Variants in PCDHB16 observed in about 807,000 individuals in gnomAD.
PCDHB16 encodes protocadherin beta-16.
For synonymous variants in PCDHB16, 444 were observed against 436.5 expected (o/e 1.02, Z -0.21); for missense variants, 1,026 against 989.9 (o/e 1.04, Z -0.49).
Position 141,183,826 on chromosome 5 carries a change from G to A in PCDHB16, c.1267G>A (p.Val423Ile), listed in dbSNP as rs781890693. The A allele has an allele frequency of 1.2e-6, 2 of 1,614,164 alleles. No individual in the cohort carries two copies. The highest frequency in any genetic ancestry group is 1.7e-5 in the Admixed American group (1 of 60,022). The change falls in exon 1 of 1, where the codon GTC becomes ATC. Residue 423 changes from valine (V) to isoleucine (I), a missense_variant. Coordinates refer to ENST00000609684, the MANE Select transcript of PCDHB16 (RefSeq NM_020957.4). ...AGCTGAATATAATATCACCCTCACC[G>A]TCACAGATATGGGGACTCCAAGGCT... ...ARAEYNITLT[V>I]TDMGTPRLKT...
chr5:141,183,591 C>T lies in PCDHB16; in HGVS notation c.1032C>T (p.Pro344=), dbSNP rs887490592. The change falls in exon 1 of 1, where the codon CCC becomes CCT. Residue 344 remains proline, a synonymous_variant. Coordinates refer to ENST00000609684, the MANE Select transcript of PCDHB16 (RefSeq NM_020957.4). ...LLQVVDVNDN[P]PQVTMSALTS... ...AGGTGGTGGACGTGAATGACAATCC[C>T]CCACAGGTGACCATGTCTGCACTCA... The T allele has an allele frequency of 6.2e-7, 1 of 1,613,994 alleles. No individual in the cohort carries two copies. The highest frequency in any genetic ancestry group is 8.5e-7 in the Non-Finnish European group (1 of 1,180,028).
chr5:141,184,369 T>G lies in PCDHB16; in HGVS notation c.1810T>G (p.Tyr604Asp). 6.2e-7 allele frequency: 1 copy of G among 1,604,840 alleles called. No individual in the cohort carries two copies. The highest frequency in any genetic ancestry group is 8.5e-7 in the Non-Finnish European group (1 of 1,179,014). The change falls in exon 1 of 1, where the codon TAC becomes GAC. Residue 604 changes from tyrosine (Y) to aspartate (D), a missense_variant. Transcript: ENST00000609684. ...CTCGGGCCAGAATGCCTGGCTGTCG[T>G]ACCAGCTGCTCAAGGCCACGGAGCC... ...GDSGQNAWLS[Y>D]QLLKATEPGL...
chr5:141,184,750 C>T lies in PCDHB16; in HGVS notation c.2191C>T (p.Pro731Ser), dbSNP rs1753679649. Residue 731 changes from proline (P) to serine (S), a missense_variant, in exon 1 of 1, where the codon CCC (proline) becomes TCC (serine). Pro to Ser is a moderately conservative substitution (Grantham distance 74). Coordinates refer to ENST00000609684, the MANE Select transcript of PCDHB16 (RefSeq NM_020957.4). Reference protein sequence around the residue: ...SVGRCSMPEGPFPGRLVDVSG... With the variant: ...SVGRCSMPEGSFPGRLVDVSG... ...GGGCCGCTGCTCGATGCCTGAGGGC[C>T]CCTTTCCAGGGCGTCTGGTGGACGT... 1 of 1,614,080 alleles carries T rather than the reference C, an allele frequency of 6.2e-7. No homozygotes were observed. Among genetic ancestry groups the T allele is most frequent in the Non-Finnish European group, 8.5e-7 (1 of 1,180,058 alleles).
rs1753728966 is a variant in PCDHB16 at position 141,186,154 on chromosome 5, T to A, written c.*1264T>A. 1.0e-6 allele frequency: 1 copy of A among 995,034 alleles called. No homozygotes were observed. The highest frequency in any genetic ancestry group is 1.2e-6 in the Non-Finnish European group (1 of 825,348). The allele number at this position is 995,034 out of a possible 1,614,324, so 61.6% of individuals were successfully genotyped here. ...CCTATGTTTAATCTGTATTTCTTGC[T>A]TATTATATGTAAAGTTGAGCTTCTT... On this transcript the variant is annotated 3_prime_UTR_variant, in exon 1 of 1. Transcript: ENST00000609684.
In PCDHB16 at chr5:141,182,635, G is replaced by A. The variant is rs1002639545; in HGVS notation, c.76G>A (p.Ala26Thr). Residue 26 changes from alanine to threonine, a missense_variant, in exon 1 of 1, where the codon GCG becomes ACG. Coordinates refer to ENST00000609684, the MANE Select transcript of PCDHB16 (RefSeq NM_020957.4). ...CTTTGTTTTGCTGAGCTTGTCTGGG[G>A]CGGGCGCCGAGTTGGGGTCCTATTC... ...VFFVLLSLSG[A>T]GAELGSYSVV... 2.5e-6 allele frequency: 4 copies of A among 1,577,010 alleles called. No individual in the cohort carries two copies. The highest frequency in any genetic ancestry group is 2.3e-5 in the South Asian group (2 of 86,214).
Position 141,184,854 on chromosome 5 carries a change from G to C in PCDHB16, c.2295G>C (p.Lys765Asn). ...LTGGSETSEFKFLKPIIPNFS... is the reference protein window; with the variant it reads ...LTGGSETSEFNFLKPIIPNFS... Reference sequence around the variant, plus strand: ...GAGGCTCAGAAACAAGTGAGTTCAAGTTCCTGAAGCCGATTATCCCCAACT... The same window carrying C: ...GAGGCTCAGAAACAAGTGAGTTCAACTTCCTGAAGCCGATTATCCCCAACT... The change falls in exon 1 of 1, where the codon AAG becomes AAC. Residue 765 changes from lysine (K) to asparagine (N), a missense_variant. Transcript: ENST00000609684. 6.2e-7 allele frequency: 1 copy of C among 1,614,206 alleles called. No individual in the cohort carries two copies. Among genetic ancestry groups the C allele is most frequent in the Non-Finnish European group, 8.5e-7 (1 of 1,180,036 alleles).
Position 141,185,071 on chromosome 5 carries a change from T to G in PCDHB16, c.*181T>G. The G allele has an allele frequency of 1.1e-5, 16 of 1,425,200 alleles. No homozygotes were observed. Among genetic ancestry groups the G allele is most frequent in the Non-Finnish European group, 1.5e-5 (16 of 1,088,392 alleles). The allele number at this position is 1,425,200 out of a possible 1,614,324, so 88.3% of individuals were successfully genotyped here. ...TGATTGTTAGTTCAAATTATATTGT[T>G]AATTCCAGTTTCCCTTTTCCTCATA... On this transcript the variant is annotated 3_prime_UTR_variant, in exon 1 of 1. Coordinates refer to ENST00000609684, the MANE Select transcript of PCDHB16 (RefSeq NM_020957.4).
At position 141,186,212 on chromosome 5, in the gene PCDHB16, G is replaced by A. The variant is rs567766438; in HGVS notation, c.*1322G>A. 568 of 990,420 alleles carry A rather than the reference G, an allele frequency of 5.7e-4. No individual in the cohort carries two copies. Among genetic ancestry groups the A allele is most frequent in the South Asian group, 1.7e-3 (35 of 21,014 alleles). The allele number at this position is 990,420 out of a possible 1,614,324, so 61.4% of individuals were successfully genotyped here. A position where few individuals can be genotyped will look rare whatever the true frequency, so the allele number is the denominator to read the frequency against. On this transcript the variant is annotated 3_prime_UTR_variant, in exon 1 of 1. Coordinates refer to ENST00000609684, the MANE Select transcript of PCDHB16 (RefSeq NM_020957.4). Reference sequence around the variant, plus strand: ...ATTAGGCCTTTGAATAAAATTCTATGTGAGTCAGATTTAATAATTTGTTTT... The same window carrying A: ...ATTAGGCCTTTGAATAAAATTCTATATGAGTCAGATTTAATAATTTGTTTT...
In PCDHB16 at chr5:141,182,683, G is replaced by A. The variant is rs1753594236; in HGVS notation, c.124G>A (p.Gly42Ser). ...TTCCGTAGTGGAAGAAACGGAGAGAGGCTCTTTTGTGGCAAATCTAGGAAA... is the reference window on the plus strand; with the variant it reads ...TTCCGTAGTGGAAGAAACGGAGAGAAGCTCTTTTGTGGCAAATCTAGGAAA... ...SYSVVEETER[G>S]SFVANLGKDL... is the part of the protein sequence containing the mutation. Residue 42 changes from glycine (G) to serine (S), a missense_variant, in exon 1 of 1, where the codon GGC (glycine) becomes AGC (serine). Coordinates refer to ENST00000609684, the MANE Select transcript of PCDHB16 (RefSeq NM_020957.4). 3.1e-6 allele frequency: 5 copies of A among 1,610,314 alleles called. No homozygotes were observed. The highest frequency in any genetic ancestry group is 3.4e-6 in the Non-Finnish European group (4 of 1,177,822).
At position 141,184,566 on chromosome 5, in the gene PCDHB16, C is replaced by G; in HGVS notation, c.2007C>G (p.Pro669=). The G allele has an allele frequency of 6.2e-7, 1 of 1,611,894 alleles. No individual in the cohort carries two copies. The highest frequency in any genetic ancestry group is 8.5e-7 in the Non-Finnish European group (1 of 1,179,778). ...HVLLVDGFSQ[P]FLPLPEAAPG... ...TCCTGGTGGACGGCTTCTCCCAGCC[C>G]TTCCTGCCGCTCCCAGAGGCGGCCC... Residue 669 remains proline, a synonymous_variant, in exon 1 of 1, where the codon CCC becomes CCG. Coordinates refer to ENST00000609684, the MANE Select transcript of PCDHB16 (RefSeq NM_020957.4).
rs528641008 is a variant in PCDHB16 at position 141,184,620 on chromosome 5, T to A, written c.2061T>A (p.Thr687=). ...APGQTQANSL[T]VYLVVALASV... ...GCCAGACCCAGGCCAACTCGCTCACTGTCTACCTGGTGGTGGCGTTGGCCT... is the reference window on the plus strand; with the variant it reads ...GCCAGACCCAGGCCAACTCGCTCACAGTCTACCTGGTGGTGGCGTTGGCCT... The change falls in exon 1 of 1, where the codon ACT becomes ACA. Residue 687 remains threonine (T), a synonymous_variant. Coordinates refer to ENST00000609684, the MANE Select transcript of PCDHB16 (RefSeq NM_020957.4). 1.2e-6 allele frequency: 2 copies of A among 1,612,772 alleles called. No individual in the cohort carries two copies. Among genetic ancestry groups the A allele is most frequent in the South Asian group, 1.1e-5 (1 of 91,052 alleles).
Position 141,183,244 on chromosome 5 carries a change from C to T in PCDHB16, c.685C>T (p.Arg229Cys). The stretch of plus-strand genomic sequence containing the variant: ...ACCGCGATCTGGAACTGCTCAGGTC[C>T]GTATTGAAGTGGTGGACATCAATGA... The part of the protein sequence containing the change: ...SPPRSGTAQV[R>C]IEVVDINDNA... Residue 229 changes from arginine to cysteine, a missense_variant, in exon 1 of 1, where the codon CGT (arginine) becomes TGT (cysteine). By Grantham distance (180) the Arg-to-Cys change is radical (BLOSUM62 -3). Coordinates refer to ENST00000609684, the MANE Select transcript of PCDHB16 (RefSeq NM_020957.4). 1 of 1,614,150 alleles carries T rather than the reference C, an allele frequency of 6.2e-7. No individual in the cohort carries two copies. The highest frequency in any genetic ancestry group is 1.1e-5 in the South Asian group (1 of 91,080).
In PCDHB16 at chr5:141,185,037, A is replaced by AT. The variant is rs1174348784; in HGVS notation, c.*152dup. The AT allele has an allele frequency of 1.4e-6, 2 of 1,447,998 alleles. No homozygotes were observed. The highest frequency in any genetic ancestry group is 2.9e-5 in the African/African-American group (2 of 69,716). 89.7% of individuals were successfully genotyped at this position (1,447,998 alleles called of 1,614,324 possible). A position where few individuals can be genotyped will look rare whatever the true frequency, so the allele number is the denominator to read the frequency against. ...TCATGCTCACCACCACCAATAAGGT[A>AT]TTTTTCTCTGATTGTTAGTTCAAAT... On this transcript the variant is annotated 3_prime_UTR_variant, in exon 1 of 1. Transcript: ENST00000609684.
rs781960565 is a variant in PCDHB16, at chr5:141,184,563, G to A, written c.2004G>A (p.Gln668=). ...LHVLLVDGFS[Q]PFLPLPEAAP... is the part of the protein sequence containing the mutation. The stretch of plus-strand genomic sequence containing the variant: ...TGCTCCTGGTGGACGGCTTCTCCCA[G>A]CCCTTCCTGCCGCTCCCAGAGGCGG... Residue 668 remains glutamine (Q), a synonymous_variant, in exon 1 of 1, where the codon CAG becomes CAA. Coordinates refer to ENST00000609684, the MANE Select transcript of PCDHB16 (RefSeq NM_020957.4). 2 of 1,611,520 alleles carry A rather than the reference G, an allele frequency of 1.2e-6. No individual in the cohort carries two copies. Among genetic ancestry groups the A allele is most frequent in the Non-Finnish European group, 1.7e-6 (2 of 1,179,778 alleles).
chr5:141,183,706 T>G lies in PCDHB16; in HGVS notation c.1147T>G (p.Ser383Ala). The change falls in exon 1 of 1, where the codon TCC (serine) becomes GCC (alanine). Residue 383 changes from serine to alanine, a missense_variant. Coordinates refer to ENST00000609684, the MANE Select transcript of PCDHB16 (RefSeq NM_020957.4). Reference sequence around the variant, plus strand: ...CTCCGGAAACAATGGGAAGACGATTTCCTCCATCCAGGAAGACCTTCCCTT... The same window carrying G: ...CTCCGGAAACAATGGGAAGACGATTGCCTCCATCCAGGAAGACCTTCCCTT... ...PDSGNNGKTI[S>A]SIQEDLPFLL... 1 of 1,614,178 alleles carries G rather than the reference T, an allele frequency of 6.2e-7. No individual in the cohort carries two copies. Among genetic ancestry groups the G allele is most frequent in the African/African-American group, 1.3e-5 (1 of 75,036 alleles).
rs1554282168 is a variant in PCDHB16 at position 141,183,530 on chromosome 5, G to C, written c.971G>C (p.Gly324Ala). The C allele has an allele frequency of 1.2e-6, 2 of 1,614,192 alleles. No homozygotes were observed. The highest frequency in any genetic ancestry group is 4.5e-5 in the East Asian group (2 of 44,888). Residue 324 changes from glycine to alanine, a missense_variant, in exon 1 of 1, where the codon GGG (glycine) becomes GCG (alanine). Coordinates refer to ENST00000609684, the MANE Select transcript of PCDHB16 (RefSeq NM_020957.4). Reference protein sequence around the residue: ...SYEVRIKATDGGGLSGKCTLL... With the variant: ...SYEVRIKATDAGGLSGKCTLL... The stretch of plus-strand genomic sequence containing the variant: ...GAAGTGCGCATCAAAGCCACAGATG[G>C]GGGAGGTCTTTCAGGAAAGTGCACT...
chr5:141,183,396 C>A lies in PCDHB16; in HGVS notation c.837C>A (p.Tyr279Ter), dbSNP rs367591645. Reference sequence around the variant, plus strand: ...GCGGAGCCAATGGAAAAATATCATACACACTCTTTCAGCCTTCGGAGGATA... The same window carrying A: ...GCGGAGCCAATGGAAAAATATCATAAACACTCTTTCAGCCTTCGGAGGATA... The part of the protein sequence containing the change: ...LDGGANGKIS[Y>*]TLFQPSEDIS... Residue 279 changes from tyrosine to a stop codon, truncating the protein, a stop_gained, in exon 1 of 1, where the codon TAC becomes TAA. Coordinates refer to ENST00000609684, the MANE Select transcript of PCDHB16 (RefSeq NM_020957.4). LOFTEE classifies it low-confidence loss of function (END_TRUNC). 97 of 1,614,180 alleles carry A rather than the reference C, an allele frequency of 6.0e-5. No homozygotes were observed. In the African/African-American group the frequency reaches 1.2e-3, roughly 20 times the overall value.
rs377501520 is a variant in PCDHB16 at position 141,183,748 on chromosome 5, G to T, written c.1189G>T (p.Val397Phe). ...EDLPFLLKPS[V>F]KNFYTLVTER... ...CCTTCCCTTTCTTCTAAAACCTTCA[G>T]TCAAGAACTTTTACACCTTGGTAAC... Residue 397 changes from valine (V) to phenylalanine (F), a missense_variant, in exon 1 of 1, where the codon GTC (valine) becomes TTC (phenylalanine). Val to Phe is a conservative substitution (Grantham distance 50). Coordinates refer to ENST00000609684, the MANE Select transcript of PCDHB16 (RefSeq NM_020957.4). 1.2e-6 allele frequency: 2 copies of T among 1,614,016 alleles called. No individual in the cohort carries two copies. The highest frequency in any genetic ancestry group is 3.3e-5 in the Admixed American group (2 of 59,996).
Position 141,185,544 on chromosome 5 carries a change from T to C in PCDHB16, c.*654T>C, listed in dbSNP as rs1412369500. 6.0e-6 allele frequency: 2 copies of C among 331,268 alleles called. No homozygotes were observed. Among genetic ancestry groups the C allele is most frequent in the East Asian group, 1.7e-4 (1 of 5,966 alleles). The allele number at this position is 331,268 out of a possible 1,614,324, so 20.5% of individuals were successfully genotyped here. On this transcript the variant is annotated 3_prime_UTR_variant, in exon 1 of 1. Transcript: ENST00000609684. The stretch of plus-strand genomic sequence containing the variant: ...TTCCACCTCAGCCTCCCAAGTAGCT[T>C]GGACTATAGGTGCATGCCACCATGC...
Sources: allele counts gnomAD v4.1 joint callset, GRCh38; gene constraint gnomAD v4.1.1; transcripts MANE v1.5; gene names NCBI Gene and HGNC (gene_info 2026-07-23, HGNC 2026-07-21).